The following SGCZ variants were observed in gnomAD, a reference collection of about 807,000 sequenced individuals.
The protein encoded by SGCZ is sarcoglycan zeta.
In SGCZ, 40 loss-of-function variants were observed where a neutral mutation model predicts 41.3. The observed-to-expected ratio is 0.97, with a 90% CI of 0.75 to 1.26. The LOEUF (loss-of-function observed/expected upper bound fraction) is 1.26, where lower values mean the gene tolerates loss of function less well. Among genes scored for constraint, SGCZ ranks in the 50% most tolerant of loss-of-function variants. SGCZ has a pLI of 0.00. For missense variants in SGCZ, 552 were observed against 369.8 expected, an observed-to-expected ratio of 1.49 and a Z score of -4.04; for synonymous variants, 206 against 137.5, an observed-to-expected ratio of 1.50 and a Z score of -3.49.
At chr8:14,858,959 T>G (rs1803632292) in intron 1 of SGCZ, among the ~76,000 whole-genome samples, 1 of 152,166 alleles carries the variant, frequency 6.6e-6, no homozygotes, top group South Asian at 2.1e-4. Context: ...CAGTTTTCCT[T>G]TGATTATAGA....
chr8:14,386,816 A>T (rs1309038536), intron 2 of SGCZ, among the ~76,000 whole-genome samples: 1 of 152,210 alleles, frequency 6.6e-6, no homozygotes, highest in Non-Finnish European at 1.5e-5. Flanking sequence ...AGAAAAATTC[A>T]AGTTGTGTGT....
chr8:14,397,132 T>G (rs1030721611), intron 2 of SGCZ, among the ~76,000 whole-genome samples: 1 of 152,256 alleles, frequency 6.6e-6, no homozygotes, highest in African/African-American at 2.4e-5. Context: ...CTTTGCTGTT[T>G]TCTATAATTG....
intron 1 of SGCZ, among the ~76,000 whole-genome samples, chr8:14,777,352 A>G (rs1800436794): frequency 6.6e-6 from 1 of 152,232 alleles, no homozygotes; most frequent in Admixed American, 6.5e-5. Context: ...TGTAAAAGAG[A>G]AAGCTGAATA....
intron 5 of SGCZ, among the ~76,000 whole-genome samples, chr8:14,140,454 T>C (rs1803334617): frequency 6.6e-6 from 1 of 152,184 alleles, no homozygotes; most frequent in South Asian, 2.1e-4. Flanking sequence ...CTTAAGCTGA[T>C]AAGCAACTTC....
intron 1 of SGCZ, among the ~76,000 whole-genome samples, chr8:15,180,743 C>T (rs530502553): frequency 1.3e-5 from 2 of 148,502 alleles, no homozygotes; most frequent in Non-Finnish European, 3.0e-5. Context: ...CAAAATTAGC[C>T]GGGCATGGTG....
intron 1 of SGCZ, among the ~76,000 whole-genome samples, chr8:14,635,708 C>G (rs1806805110): frequency 6.6e-6 from 1 of 151,622 alleles, no homozygotes; most frequent in African/African-American, 2.4e-5. Context: ...TGGGTGGAAG[C>G]CGTGTTCCAA....
At chr8:14,975,033 A>G (rs537579958) in intron 1 of SGCZ, among the ~76,000 whole-genome samples, 21 of 152,228 alleles carry the variant, frequency 1.4e-4, no homozygotes, top group African/African-American at 4.8e-4. Flanking sequence ...ACACACATCT[A>G]TAAGAATTCC....
chr8:15,215,418 T>G (rs1801366709), intron 1 of SGCZ, among the ~76,000 whole-genome samples: 1 of 152,200 alleles, frequency 6.6e-6, no homozygotes, highest in South Asian at 2.1e-4. Context: ...CTTCATATTT[T>G]TACAGGCACT....
rs1426992 is a variant in SGCZ, at chr8:14,333,420, T to C, written c.235-9216A>G. 6.5e-3 allele frequency among the ~76,000 whole-genome samples: 984 copies of C among 152,280 alleles called. 13 individuals carry two copies. Among genetic ancestry groups the C allele is most frequent in the African/African-American group, 0.022 (927 of 41,556 alleles). On this transcript the variant is annotated intron_variant, in intron 2 of 7. Coordinates refer to ENST00000382080, the MANE Select transcript of SGCZ (RefSeq NM_139167.4). ...AGTAGGGGGCTGAGGGACTTCCATA[T>C]GTTAATCTTTTAACAAGGCAATAAA...
intron 1 of SGCZ, among the ~76,000 whole-genome samples, chr8:14,960,376 G>A (rs1585414436): frequency 6.6e-6 from 1 of 151,830 alleles, no homozygotes; most frequent in African/African-American, 2.4e-5. Flanking sequence ...TTATGGGTTT[G>A]GGAATTGTAC....
At chr8:14,361,541 A>C (rs543408122) in intron 2 of SGCZ, among the ~76,000 whole-genome samples, 12 of 152,306 alleles carry the variant, frequency 7.9e-5, no homozygotes, top group African/African-American at 2.9e-4. Context: ...AGGTCATTTA[A>C]GCTCTTCTCT....
At chr8:14,360,998 G>A (rs544560839) in intron 2 of SGCZ, among the ~76,000 whole-genome samples, 40 of 152,270 alleles carry the variant, frequency 2.6e-4, no homozygotes, top group Middle Eastern at 3.4e-3. Flanking sequence ...CCTGTGCAGT[G>A]ATATCTCATA....
chr8:15,204,804 G>T (rs1044817603), intron 1 of SGCZ, among the ~76,000 whole-genome samples: 6 of 151,980 alleles, frequency 3.9e-5, no homozygotes, highest in African/African-American at 1.4e-4. Context: ...AAAACCTCCA[G>T]CATTTAATTG....
In SGCZ at chr8:14,511,827, G is replaced by C. The variant is rs141919306; in HGVS notation, c.234+42905C>G. Among the ~76,000 whole-genome samples the C allele has an allele frequency of 6.4e-3, 967 of 152,118 alleles. 6 individuals are homozygous for C. Among genetic ancestry groups the C allele is most frequent in the Non-Finnish European group, 0.011 (743 of 67,986 alleles). ...AATTTCAGGATATTTGCTAGGTTAG[G>C]CTTGTTGTTTTTAACTCTTAAAGGA... On this transcript the variant is annotated intron_variant, in intron 2 of 7. Coordinates refer to ENST00000382080, the MANE Select transcript of SGCZ (RefSeq NM_139167.4).
chr8:14,140,963 C>T (rs1164500362), intron 5 of SGCZ, among the ~76,000 whole-genome samples: 1 of 152,078 alleles, frequency 6.6e-6, no homozygotes, highest in Non-Finnish European at 1.5e-5. Context: ...GTTACTGGTA[C>T]CAAAACTGAT....
intron 2 of SGCZ, among the ~76,000 whole-genome samples, chr8:14,337,962 A>G (rs1262128170): frequency 6.6e-6 from 1 of 152,204 alleles, no homozygotes; most frequent in Non-Finnish European, 1.5e-5. Context: ...ATAGAAGGTT[A>G]TAAGGAGATG....
chr8:14,135,880 C>T (rs1803181801), intron 5 of SGCZ, among the ~76,000 whole-genome samples: 1 of 151,774 alleles, frequency 6.6e-6, no homozygotes, highest in Non-Finnish European at 1.5e-5. Context: ...ACTATAGACC[C>T]TGGAGAATTC....
chr8:14,411,751 G>C (rs1026171740), intron 2 of SGCZ, among the ~76,000 whole-genome samples: 5 of 151,952 alleles, frequency 3.3e-5, no homozygotes, highest in African/African-American at 4.8e-5. Flanking sequence ...TATATATAAA[G>C]ACATTCAATA....
intron 1 of SGCZ, among the ~76,000 whole-genome samples, chr8:14,850,347 A>C (rs1803270647): frequency 6.6e-6 from 1 of 152,194 alleles, no homozygotes. Context: ...AAAGGAGAGA[A>C]GGAGGTAAAG....
Sources: allele counts gnomAD v4.1 joint callset (sites outside exome capture counted in the v4.1 genomes callset), GRCh38; gene constraint gnomAD v4.1.1; transcripts MANE v1.5; gene names NCBI Gene and HGNC (gene_info 2026-07-23, HGNC 2026-07-21).